Variants in FBXO33 observed in about 807,000 individuals in gnomAD.
The protein encoded by FBXO33 is F-box protein 33, also known as F-box only protein 33.
A neutral mutation model predicts 46.3 loss-of-function variants in FBXO33; 22 were observed. The ratio of observed to expected loss-of-function variants is 0.48; its 90% CI spans 0.34 to 0.68. The LOEUF is 0.68. FBXO33 is among the 30% of genes least tolerant of loss of function. FBXO33 has a pLI of 0.01. For missense variants in FBXO33, 692 were observed against 708.8 expected, an observed-to-expected ratio of 0.98 and a Z score of 0.27; for synonymous variants, 337 against 291.3, an observed-to-expected ratio of 1.16 and a Z score of -1.60.
intron 1 of FBXO33, among the ~76,000 whole-genome samples, chr14:39,427,686 C>G (rs1381634609): frequency 1.3e-5 from 2 of 152,088 alleles, no homozygotes; most frequent in Non-Finnish European, 2.9e-5. Context: ...CACCTGTAAT[C>G]CCAGCACCTT....
In FBXO33 at chr14:39,402,480, T is replaced by C. The variant is rs755072891; in HGVS notation, c.631A>G (p.Ile211Val). 55 of 1,552,988 alleles carry C rather than the reference T, an allele frequency of 3.5e-5. No homozygotes were observed. Among genetic ancestry groups the C allele is most frequent in the Non-Finnish European group, 4.6e-5 (53 of 1,148,682 alleles). Reference protein sequence around the residue: ...NLQKFSLFGDISVLQQQGSLS... With the variant: ...NLQKFSLFGDVSVLQQQGSLS... Reference sequence around the variant, plus strand: ...CTTCCTTGCTGTTGTAGAACACTTATGTCTCCAAAAAGACTAAACTTCTGA... The same window carrying C: ...CTTCCTTGCTGTTGTAGAACACTTACGTCTCCAAAAAGACTAAACTTCTGA... Residue 211 changes from isoleucine to valine, a missense_variant, in exon 2 of 4, where the codon ATA (isoleucine) becomes GTA (valine). Around this residue, in one of 3 missense-constraint regions of FBXO33, gnomAD observed 412 missense variants for 370.8 expected, o/e 1.11. Transcript: ENST00000298097.
At chr14:39,413,192 T>C (rs1448124871) in intron 1 of FBXO33, among the ~76,000 whole-genome samples, 1 of 152,284 alleles carries the variant, frequency 6.6e-6, no homozygotes, top group African/African-American at 2.4e-5. Context: ...TACGGAATAT[T>C]CTAAAGTCTC....
At chr14:39,427,406 T>C (rs537811420) in intron 1 of FBXO33, among the ~76,000 whole-genome samples, 1 of 152,328 alleles carries the variant, frequency 6.6e-6, no homozygotes, top group South Asian at 2.1e-4. Context: ...ACAGGGCAGA[T>C]TGGTCACAGG....
intron 1 of FBXO33, among the ~76,000 whole-genome samples, chr14:39,422,023 T>A (rs994214954): frequency 1.3e-5 from 2 of 152,168 alleles, no homozygotes; most frequent in African/African-American, 4.8e-5. Flanking sequence ...TTTGTGAGGC[T>A]GAGGCAGGTG....
chr14:39,410,859 A>T (rs2075418853), intron 1 of FBXO33, among the ~76,000 whole-genome samples: 1 of 152,144 alleles, frequency 6.6e-6, no homozygotes, highest in Non-Finnish European at 1.5e-5. Context: ...TTTCTGTGGC[A>T]TCAGTTGTAA....
chr14:39,402,252 T>C, intron 2 of FBXO33, 149 bp downstream of exon 2: 1 of 457,780 alleles, frequency 2.2e-6, no homozygotes, highest in South Asian at 6.2e-5. Flanking sequence ...TGGCAGATGC[T>C]GATCACTGTA....
intron 1 of FBXO33, among the ~76,000 whole-genome samples, chr14:39,407,800 T>A (rs915920528): frequency 5.9e-5 from 9 of 152,250 alleles, no homozygotes; most frequent in African/African-American, 9.6e-5. Context: ...ACTCTTTTTG[T>A]ATACATATCC....
intron 1 of FBXO33, among the ~76,000 whole-genome samples, chr14:39,417,899 C>T (rs2075457019): frequency 6.6e-6 from 1 of 152,108 alleles, no homozygotes; most frequent in Non-Finnish European, 1.5e-5. Flanking sequence ...ATCGTGCCCT[C>T]ATGACAGGAT....
intron 1 of FBXO33, among the ~76,000 whole-genome samples, chr14:39,423,099 G>A (rs1026326741): frequency 6.6e-6 from 1 of 152,038 alleles, no homozygotes; most frequent in African/African-American, 2.4e-5. Context: ...TCCAGCCTGG[G>A]TGACAGAGTG....
intron 1 of FBXO33, among the ~76,000 whole-genome samples, chr14:39,422,501 A>C (rs757835892): frequency 2.6e-5 from 4 of 152,214 alleles, no homozygotes; most frequent in Non-Finnish European, 4.4e-5. Flanking sequence ...ATGACACCTC[A>C]TCTAAGAGTA....
intron 1 of FBXO33, among the ~76,000 whole-genome samples, chr14:39,426,854 GTTTTATTTTCAGA>G (rs957384339): frequency 6.6e-6 from 1 of 152,100 alleles, no homozygotes; most frequent in African/African-American, 2.4e-5. Flanking sequence ...ACATCCTTCT[GTTTTATTTTCAGA>G]TTTTATTTTC....
chr14:39,417,475 GC>G (rs1235043324), intron 1 of FBXO33, among the ~76,000 whole-genome samples: 1 of 152,166 alleles, frequency 6.6e-6, no homozygotes, highest in Non-Finnish European at 1.5e-5. Flanking sequence ...GTGGCTGGGT[GC>G]TACAACTTAT....
rs904377528 is a variant in FBXO33, at chr14:39,401,754, G to C, written c.818C>G (p.Ser273Cys). ...IVTPTSLSSL[S>C]NAVANTMEHL... ...CTCCATGGTGTTGGCAACAGCATTAGAGAGAGATGACAGTGATGTTGGGGT... is the reference window on the plus strand; with the variant it reads ...CTCCATGGTGTTGGCAACAGCATTACAGAGAGATGACAGTGATGTTGGGGT... Residue 273 changes from serine (S) to cysteine (C), a missense_variant, in exon 3 of 4, where the codon TCT becomes TGT. Physicochemically the swap from Ser to Cys is moderately radical, Grantham distance 112. Transcript: ENST00000298097. 22 of 1,614,078 alleles carry C rather than the reference G, an allele frequency of 1.4e-5. No homozygotes were observed. The highest frequency in any genetic ancestry group is 1.7e-5 in the Non-Finnish European group (20 of 1,180,022).
At chr14:39,402,080 A>G (rs938621585) in intron 2 of FBXO33, among the ~76,000 whole-genome samples, 2 of 152,246 alleles carry the variant, frequency 1.3e-5, no homozygotes, top group African/African-American at 4.8e-5. Flanking sequence ...ACACGTAGAA[A>G]TATGTTCCTC....
At chr14:39,423,217 G>A (rs913893291) in intron 1 of FBXO33, among the ~76,000 whole-genome samples, 8 of 152,046 alleles carry the variant, frequency 5.3e-5, no homozygotes, top group African/African-American at 1.2e-4. Flanking sequence ...AGTTATCAGA[G>A]AAATACAAAT....
intron 1 of FBXO33, among the ~76,000 whole-genome samples, chr14:39,413,628 T>A (rs1340875589): frequency 6.6e-6 from 1 of 152,222 alleles, no homozygotes; most frequent in Non-Finnish European, 1.5e-5. Flanking sequence ...ATGTATTCCT[T>A]AAATGATAAG....
intron 1 of FBXO33, among the ~76,000 whole-genome samples, chr14:39,418,769 C>G (rs368135852): frequency 1.2e-4 from 16 of 133,738 alleles, no homozygotes; most frequent in Non-Finnish European, 2.5e-4. Flanking sequence ...AGCGAGACTC[C>G]GTCTCAAAAA....
intron 1 of FBXO33, among the ~76,000 whole-genome samples, chr14:39,424,879 C>T (rs2075503459): frequency 6.6e-6 from 1 of 151,962 alleles, no homozygotes; most frequent in African/African-American, 2.4e-5. Context: ...ATGGTGAAAC[C>T]CCGTCTCTAC....
chr14:39,424,213 C>T (rs184450231), intron 1 of FBXO33, among the ~76,000 whole-genome samples: 1 of 152,218 alleles, frequency 6.6e-6, no homozygotes. Context: ...CCCTCCCTAC[C>T]TTCAAATACC....
Sources: gnomAD v4.1 joint callset for allele counts (sites outside exome capture counted in the v4.1 genomes callset) on GRCh38, gnomAD v4.1.1 for gene constraint, gnomAD v4.1.1 regional missense constraint, MANE v1.5 for transcripts, NCBI Gene and HGNC (gene_info 2026-07-23, HGNC 2026-07-21) for gene names.